PDCD10: variants seen among roughly 807,000 people sequenced by gnomAD.
The protein encoded by PDCD10 is programmed cell death protein 10.
Under a neutral mutation model 29.2 loss-of-function variants are expected in PDCD10, and 4 were observed. The observed-to-expected ratio is 0.14, with a 90% CI of 0.07 to 0.31. The LOEUF (loss-of-function observed/expected upper bound fraction) is 0.31. PDCD10 is among the 10% of genes least tolerant of loss of function. The pLI, the probability that PDCD10 is intolerant of heterozygous loss-of-function variation, is 1.00. For missense variants in PDCD10, 183 were observed against 257.9 expected (o/e 0.71, Z 1.99); for synonymous variants, 70 against 82.2 (o/e 0.85, Z 0.80).
At chr3:167,726,378 C>T (rs1425899874) in intron 2 of PDCD10, among the ~76,000 whole-genome samples, 1 of 151,968 alleles carries the variant, frequency 6.6e-6, no homozygotes, top group Admixed American at 6.6e-5. Context: ...GGATTACAGG[C>T]GTGAGCCACT....
chr3:167,692,968 C>T (rs1279486450), intron 6 of PDCD10, among the ~76,000 whole-genome samples: 1 of 152,166 alleles, frequency 6.6e-6, no homozygotes, highest in African/African-American at 2.4e-5. Context: ...AGTGTTTGTC[C>T]CTTGTGACAC....
At chr3:167,726,555 T>C (rs1240723544) in intron 2 of PDCD10, among the ~76,000 whole-genome samples, 1 of 152,208 alleles carries the variant, frequency 6.6e-6, no homozygotes, top group African/African-American at 2.4e-5. Context: ...CATTTCAGTT[T>C]TGTAAATCTC....
intron 4 of PDCD10, among the ~76,000 whole-genome samples, chr3:167,699,094 T>G (rs752756097): frequency 1.3e-5 from 2 of 152,222 alleles, no homozygotes; most frequent in Non-Finnish European, 2.9e-5. Flanking sequence ...TAAATAACTA[T>G]TGTCACTTAT....
chr3:167,724,723 C>A (rs1270980492), intron 2 of PDCD10, among the ~76,000 whole-genome samples: 2 of 152,130 alleles, frequency 1.3e-5, no homozygotes, highest in African/African-American at 4.8e-5. Flanking sequence ...AAAGCCTGGA[C>A]CCAGCCACAT....
intron 4 of PDCD10, among the ~76,000 whole-genome samples, chr3:167,701,582 G>C (rs1462903574): frequency 6.6e-6 from 1 of 152,080 alleles, no homozygotes; most frequent in Non-Finnish European, 1.5e-5. Flanking sequence ...ACACTGAAAG[G>C]CATCAAAGTG....
intron 2 of PDCD10, among the ~76,000 whole-genome samples, chr3:167,722,253 T>A (rs551831548): frequency 7.2e-5 from 11 of 152,044 alleles, no homozygotes; most frequent in Non-Finnish European, 1.2e-4. Context: ...AGAAAAAAAA[T>A]TATTTATTTA....
In PDCD10 at chr3:167,684,363, T is replaced by C. The variant is rs1421783974; in HGVS notation, c.584A>G (p.Asn195Ser). Residue 195 changes from asparagine (N) to serine (S), a missense_variant, in exon 9 of 9, where the codon AAC becomes AGC. By Grantham distance (46) the Asn-to-Ser change is conservative (BLOSUM62 1). Coordinates refer to ENST00000392750, the MANE Select transcript of PDCD10 (RefSeq NM_007217.4). ...TAAGTTGGTTTGATGAATTAGTCGG[T>C]TGGCACTTACGAACACATTTATTGC... ...GKAINVFVSA[N>S]RLIHQTNLIL... The C allele has an allele frequency of 1.2e-6, 2 of 1,607,454 alleles. No homozygotes were observed. Among genetic ancestry groups the C allele is most frequent in the South Asian group, 2.2e-5 (2 of 90,960 alleles).
chr3:167,701,908 C>A (rs550806163), intron 4 of PDCD10, among the ~76,000 whole-genome samples: 2 of 151,840 alleles, frequency 1.3e-5, no homozygotes, highest in African/African-American at 2.4e-5. Context: ...TTAAAAAAAA[C>A]GTAGAGGATG....
chr3:167,719,614 T>C (rs1723368281), intron 3 of PDCD10, among the ~76,000 whole-genome samples: 1 of 152,134 alleles, frequency 6.6e-6, no homozygotes, highest in Non-Finnish European at 1.5e-5. Flanking sequence ...AAGATCTTTG[T>C]GCCTGCTATT....
At chr3:167,691,986 G>A (rs1720293223) in intron 6 of PDCD10, among the ~76,000 whole-genome samples, 1 of 152,150 alleles carries the variant, frequency 6.6e-6, no homozygotes, top group Admixed American at 6.5e-5. Flanking sequence ...ATAAATGATT[G>A]TTATTAAGAT....
chr3:167,703,967 G>C (rs1241409139), intron 4 of PDCD10, among the ~76,000 whole-genome samples: 1 of 151,900 alleles, frequency 6.6e-6, no homozygotes, highest in Non-Finnish European at 1.5e-5. Flanking sequence ...TTTTAACTTG[G>C]AACATATCTT....
rs1479833127 is a variant in PDCD10 at position 167,685,816 on chromosome 3, T to C, written c.557+1418A>G. Reference sequence around the variant, plus strand: ...TAAAAGTTTATTTTCAAAACACAAATGCCAGCTTATTAAACTAAGTCATCA... The same window carrying C: ...TAAAAGTTTATTTTCAAAACACAAACGCCAGCTTATTAAACTAAGTCATCA... On this transcript the variant is annotated intron_variant, in intron 8 of 8. Coordinates refer to ENST00000392750, the MANE Select transcript of PDCD10 (RefSeq NM_007217.4). 2.0e-5 allele frequency among the ~76,000 whole-genome samples: 3 copies of C among 152,304 alleles called. No homozygotes were observed. In the South Asian group the frequency reaches 6.2e-4, roughly 32 times the overall value.
At chr3:167,723,512 G>C (rs1723788508) in intron 2 of PDCD10, among the ~76,000 whole-genome samples, 1 of 152,144 alleles carries the variant, frequency 6.6e-6, no homozygotes, top group Non-Finnish European at 1.5e-5. Flanking sequence ...GCCTTAAAAA[G>C]TTATTTCACC....
rs1012903317 is a variant in PDCD10 at position 167,683,890 on chromosome 3, T to C, written c.*418A>G. ...ATACACACATATATATATGCATTTTTTCAAGTAAAGAAATGTTTAACAGAT... is the reference window on the plus strand; with the variant it reads ...ATACACACATATATATATGCATTTTCTCAAGTAAAGAAATGTTTAACAGAT... On this transcript the variant is annotated 3_prime_UTR_variant, in exon 9 of 9. Transcript: ENST00000392750. 3.5e-5 allele frequency: 6 copies of C among 170,852 alleles called. No individual in the cohort carries two copies. The highest frequency in any genetic ancestry group is 1.2e-4 in the African/African-American group (5 of 41,348). 10.6% of individuals were successfully genotyped at this position (170,852 alleles called of 1,614,324 possible).
At chr3:167,708,865 T>G (rs1290512324) in intron 3 of PDCD10, among the ~76,000 whole-genome samples, 1 of 152,210 alleles carries the variant, frequency 6.6e-6, no homozygotes, top group Non-Finnish European at 1.5e-5. Context: ...AACTAACACT[T>G]ACTATACAAC....
intron 2 of PDCD10, among the ~76,000 whole-genome samples, chr3:167,727,998 T>C (rs1339716539): frequency 2.6e-5 from 4 of 152,238 alleles, no homozygotes; most frequent in Admixed American, 2.0e-4. Flanking sequence ...TAGCTCCCAA[T>C]TGATCTCAAA....
intron 6 of PDCD10, among the ~76,000 whole-genome samples, chr3:167,689,135 A>T (rs1341373488): frequency 6.6e-6 from 1 of 151,242 alleles, no homozygotes; most frequent in Non-Finnish European, 1.5e-5. Context: ...ATGTTATCTA[A>T]TTTTTTTTTG....
At position 167,683,417 on chromosome 3, in the gene PDCD10, G is replaced by A. The variant is rs1559941021; in HGVS notation, c.*891C>T. The A allele has an allele frequency of 6.6e-6, 1 of 151,980 alleles. No homozygotes were observed. Among genetic ancestry groups the A allele is most frequent in the Non-Finnish European group, 1.5e-5 (1 of 67,934 alleles). The allele number at this position is 151,980 out of a possible 1,614,324, so 9.4% of individuals were successfully genotyped here. A position where few individuals can be genotyped will look rare whatever the true frequency, so the allele number is the denominator to read the frequency against. On this transcript the variant is annotated 3_prime_UTR_variant, in exon 9 of 9. Coordinates refer to ENST00000392750, the MANE Select transcript of PDCD10 (RefSeq NM_007217.4). ...ATAAAACTGTACCTAGTTGAAGAGTGTATATAATATTAACACTCATGACAA... is the reference window on the plus strand; with the variant it reads ...ATAAAACTGTACCTAGTTGAAGAGTATATATAATATTAACACTCATGACAA...
intron 4 of PDCD10, among the ~76,000 whole-genome samples, chr3:167,703,249 A>G (rs1721625077): frequency 6.6e-6 from 1 of 152,114 alleles, no homozygotes; most frequent in African/African-American, 2.4e-5. Flanking sequence ...TCCAAAGCCA[A>G]ACTGACACTC....
Sources: gnomAD v4.1 joint callset for allele counts (sites outside exome capture counted in the v4.1 genomes callset) on GRCh38, gnomAD v4.1.1 for gene constraint, MANE v1.5 for transcripts, NCBI Gene and HGNC (gene_info 2026-07-23, HGNC 2026-07-21) for gene names.